Variants in VANGL2 observed in about 807,000 individuals in gnomAD.
VANGL2 encodes VANGL planar cell polarity protein 2, also known as vang-like protein 2.
Under a neutral mutation model 50.2 loss-of-function variants are expected in VANGL2, and 14 were observed. The observed-to-expected ratio is 0.28, with a 90% confidence interval of 0.18 to 0.44. The LOEUF is 0.44. VANGL2 is among the 20% of genes least tolerant of loss of function. The probability of loss-of-function intolerance (pLI) is 1.00; values close to 1 mark genes in which losing one functional copy is unlikely to be tolerated. For synonymous variants in VANGL2, 295 were observed against 297.2 expected, an observed-to-expected ratio of 0.99 and a Z score of 0.08; for missense variants, 533 against 701.5, an observed-to-expected ratio of 0.76 and a Z score of 2.71.
rs1651231499 is a variant in VANGL2, at chr1:160,420,528, G to A, written c.918G>A (p.Lys306=). ...SVLAKKVSGF[K]VYSLGEENST... ...TGGCCAAGAAAGTGTCTGGCTTCAA[G>A]GTGTATTCCCTCGGAGAGGGTGAGC... Residue 306 remains lysine, a synonymous_variant, in exon 5 of 8, where the codon AAG becomes AAA. Transcript: ENST00000368061. 1.2e-6 allele frequency: 2 copies of A among 1,614,024 alleles called. No homozygotes were observed. The highest frequency in any genetic ancestry group is 1.7e-5 in the Admixed American group (1 of 60,002).
At chr1:160,416,239 G>T (rs1384620710) in intron 3 of VANGL2, 57 bp downstream of exon 3, 2 of 1,612,318 alleles carry the variant, frequency 1.2e-6, no homozygotes, top group South Asian at 1.1e-5. Context: ...CTCCTGAGGG[G>T]CTGGAGGCTC....
intron 7 of VANGL2, 89 bp from the exon 8 acceptor site, chr1:160,425,029 C>A: frequency 1.3e-6 from 2 of 1,597,916 alleles, no homozygotes; most frequent in African/African-American, 1.3e-5. Context: ...CAGGGACGTC[C>A]TTCTTGTCTT....
chr1:160,426,049 C>T lies in VANGL2; in HGVS notation c.*671C>T, dbSNP rs573818391. 2 of 152,310 alleles carry T rather than the reference C, an allele frequency of 1.3e-5. No individual in the cohort carries two copies. The highest frequency in any genetic ancestry group is 4.1e-4 in the South Asian group (2 of 4,828). The allele number at this position is 152,310 out of a possible 1,614,324, so 9.4% of individuals were successfully genotyped here. A position where few individuals can be genotyped will look rare whatever the true frequency, so the allele number is the denominator to read the frequency against. ...ACCTAATGTTTTTGGTTTGTATGGT[C>T]ACGTGACCATAGGCAACCACGTGGA... On this transcript the variant is annotated 3_prime_UTR_variant, in exon 8 of 8. Coordinates refer to ENST00000368061, the MANE Select transcript of VANGL2 (RefSeq NM_020335.3).
At position 160,420,973 on chromosome 1, in the gene VANGL2, T is replaced by A. The variant is rs1246730120; in HGVS notation, c.938-79T>A. The A allele has an allele frequency of 3.8e-6, 6 of 1,594,950 alleles. No individual in the cohort carries two copies. In the Admixed American group the frequency reaches 1.0e-4, roughly 28 times the overall value. On this transcript the variant is annotated intron_variant, in intron 5 of 7. Transcript: ENST00000368061. ...ACAGCTTCTTCTGGACATGTCAGGC[T>A]GCTGTCTCCAGAGCTCCTGGAGTGG... is the stretch of plus-strand genomic sequence containing the variant.
intron 6 of VANGL2, 66 bp downstream of exon 6, chr1:160,421,253 G>A (rs1651264596): frequency 3.1e-6 from 5 of 1,594,728 alleles, no homozygotes; most frequent in Non-Finnish European, 4.3e-6. Context: ...GAAGACCAAG[G>A]AACTTCTGTA....
chr1:160,409,318 C>T (rs775213345), intron 1 of VANGL2, among the ~76,000 whole-genome samples: 23 of 152,306 alleles, frequency 1.5e-4, no homozygotes, highest in Non-Finnish European at 2.8e-4. Flanking sequence ...GGGCTAGTCA[C>T]CTTCTCTCTC....
At chr1:160,424,859 A>G (rs781699912) in intron 7 of VANGL2, among the ~76,000 whole-genome samples, 4 of 152,126 alleles carry the variant, frequency 2.6e-5, no homozygotes, top group Admixed American at 1.3e-4. Context: ...AGAGCAGCAG[A>G]TGGGGGTCAG....
chr1:160,421,089 T>C lies in VANGL2; in HGVS notation c.975T>C (p.Ala325=), dbSNP rs745829387. 6.2e-7 allele frequency: 1 copy of C among 1,614,192 alleles called. No individual in the cohort carries two copies. The highest frequency in any genetic ancestry group is 1.1e-5 in the South Asian group (1 of 91,080). ...STNNSTGQSR[A]VIAAAARRRD... ...ACAACTCCACTGGCCAGTCTCGGGC[T>C]GTGATTGCAGCGGCAGCTCGGAGGC... Residue 325 remains alanine, a synonymous_variant, in exon 6 of 8, where the codon GCT becomes GCC. Coordinates refer to ENST00000368061, the MANE Select transcript of VANGL2 (RefSeq NM_020335.3).
intron 1 of VANGL2, among the ~76,000 whole-genome samples, chr1:160,403,428 T>C (rs564331374): frequency 6.6e-6 from 1 of 152,350 alleles, no homozygotes; most frequent in East Asian, 1.9e-4. Flanking sequence ...CCCATTGTCT[T>C]GCTCCTGACT....
At position 160,419,494 on chromosome 1, in the gene VANGL2, G is replaced by C. The variant is rs759674962; in HGVS notation, c.685G>C (p.Val229Leu). 1 of 1,604,860 alleles carries C rather than the reference G, an allele frequency of 6.2e-7. No homozygotes were observed. The highest frequency in any genetic ancestry group is 2.2e-5 in the East Asian group (1 of 44,862). Residue 229 changes from valine to leucine, a missense_variant, in exon 4 of 8, where the codon GTG becomes CTG. Physicochemically the swap from Val to Leu is conservative, Grantham distance 32. Transcript: ENST00000368061. This position sits in a 1 kb window ranked among gnomAD's most constrained non-coding sequence, Gnocchi z 5.8. ...GTCGCTGGTGGACGCCCTTCTTTTC[G>C]TGCACTACCTGGCCGTGGTCCTGCT... ...AVSLVDALLF[V>L]HYLAVVLLEL...
At position 160,421,198 on chromosome 1, in the gene VANGL2, G is replaced by C. The variant is rs545021722; in HGVS notation, c.1073+11G>C. On this transcript the variant is annotated intron_variant, in intron 6 of 7. Coordinates refer to ENST00000368061, the MANE Select transcript of VANGL2 (RefSeq NM_020335.3). Reference sequence around the variant, plus strand: ...CAAGAGGAGGGCCAGGTGGGTCCCTGGGGGAGAAGAGGAGAGGAGGTGCTT... The same window carrying C: ...CAAGAGGAGGGCCAGGTGGGTCCCTCGGGGAGAAGAGGAGAGGAGGTGCTT... 5.0e-6 allele frequency: 8 copies of C among 1,612,386 alleles called. No individual in the cohort carries two copies. Among genetic ancestry groups the C allele is most frequent in the Non-Finnish European group, 6.8e-6 (8 of 1,179,990 alleles).
At chr1:160,420,362 C>T (rs1429803284) in intron 4 of VANGL2, 49 bp from the exon 5 acceptor site, 2 of 1,612,498 alleles carry the variant, frequency 1.2e-6, no homozygotes, top group Admixed American at 3.3e-5. Flanking sequence ...TTCCCCTGTG[C>T]CCCTTGGTCT....
rs201776714 is a variant in VANGL2, at chr1:160,416,070, G to C, written c.80G>C (p.Arg27Pro). The C allele has an allele frequency of 1.9e-6, 3 of 1,614,088 alleles. No homozygotes were observed. Among genetic ancestry groups the C allele is most frequent in the Admixed American group, 1.7e-5 (1 of 60,004 alleles). The change falls in exon 3 of 8, where the codon CGG (arginine) becomes CCG (proline). Residue 27 changes from arginine to proline, a missense_variant. Coordinates refer to ENST00000368061, the MANE Select transcript of VANGL2 (RefSeq NM_020335.3). The part of the protein sequence containing the change: ...SRSSRKHRDR[R>P]DRHRSKSRDG... The stretch of plus-strand genomic sequence containing the variant: ...CTGGCTTCCTGCCGCAGGGACCGCC[G>C]GGACCGACACCGCTCTAAGAGTCGA...
chr1:160,401,305 G>C (rs942543763), intron 1 of VANGL2, among the ~76,000 whole-genome samples: 1 of 152,116 alleles, frequency 6.6e-6, no homozygotes, highest in East Asian at 1.9e-4. Context: ...ACACCCCTCA[G>C]GAGCGTGGGG....
chr1:160,425,230 A>G lies in VANGL2; in HGVS notation c.1418A>G (p.Lys473Arg). ...VSEEPVTNGLKDGIVFLLKRQ... is the reference protein window; with the variant it reads ...VSEEPVTNGLRDGIVFLLKRQ... ...GAGGAGCCGGTGACCAACGGCCTCA[A>G]GGATGGCATCGTTTTCCTCTTAAAA... The change falls in exon 8 of 8, where the codon AAG (lysine) becomes AGG (arginine). Residue 473 changes from lysine (K) to arginine (R), a missense_variant. Coordinates refer to ENST00000368061, the MANE Select transcript of VANGL2 (RefSeq NM_020335.3). 6.2e-7 allele frequency: 1 copy of G among 1,614,214 alleles called. No homozygotes were observed. Among genetic ancestry groups the G allele is most frequent in the East Asian group, 2.2e-5 (1 of 44,874 alleles).
At chr1:160,417,008 A>G (rs951648933) in intron 3 of VANGL2, among the ~76,000 whole-genome samples, 1 of 152,034 alleles carries the variant, frequency 6.6e-6, no homozygotes, top group Admixed American at 6.6e-5. Context: ...CTCTCTCCCA[A>G]TCCCTTCTTC....
Position 160,425,141 on chromosome 1 carries a change from G to T in VANGL2, c.1329G>T (p.Ala443=). The change falls in exon 8 of 8, where the codon GCG becomes GCT. Residue 443 remains alanine (A), a synonymous_variant. Transcript: ENST00000368061. ...AGGCCTTCTTGGAGCGATACTTGGC[G>T]GCTGGACCTACCATCCAGTACCACA... ...TPKAFLERYL[A]AGPTIQYHKE... 1 of 1,614,066 alleles carries T rather than the reference G, an allele frequency of 6.2e-7. No homozygotes were observed. The highest frequency in any genetic ancestry group is 1.1e-5 in the South Asian group (1 of 91,078).
intron 1 of VANGL2, among the ~76,000 whole-genome samples, chr1:160,412,567 G>A (rs1650916035): frequency 6.6e-6 from 1 of 152,132 alleles, no homozygotes; most frequent in Non-Finnish European, 1.5e-5. Context: ...GGATAAATAA[G>A]GGTCATTTTT....
intron 1 of VANGL2, among the ~76,000 whole-genome samples, chr1:160,407,680 T>C (rs947982325): frequency 1.3e-5 from 2 of 152,160 alleles, no homozygotes; most frequent in African/African-American, 2.4e-5. Flanking sequence ...GCATTTGTTT[T>C]TGGAGTGTAC....
Sources: allele counts gnomAD v4.1 joint callset (sites outside exome capture counted in the v4.1 genomes callset), GRCh38; gene constraint gnomAD v4.1.1; non-coding constraint Gnocchi (gnomAD v3.1); transcripts MANE v1.5; gene names NCBI Gene and HGNC (gene_info 2026-07-23, HGNC 2026-07-21).